LRP1B: variants seen among roughly 807,000 people sequenced by gnomAD.
LRP1B encodes the protein low-density lipoprotein receptor-related protein 1B.
In LRP1B, 217 loss-of-function variants were observed where a neutral mutation model predicts 556.6. The observed-to-expected ratio is 0.39, with a 90% CI of 0.35 to 0.44. LRP1B has a LOEUF of 0.44. Ranked by LOEUF, LRP1B falls within the 20% of genes least tolerant of loss-of-function variation. LRP1B has a pLI of 1.00. For missense variants in LRP1B, 5,053 were observed against 5,620.8 expected, an observed-to-expected ratio of 0.90 and a Z score of 3.23; for synonymous variants, 2,047 against 1,865.8, an observed-to-expected ratio of 1.10 and a Z score of -2.50.
intron 88 of LRP1B, 99 bp downstream of exon 88, chr2:140,239,341 TAA>T: frequency 1.5e-6 from 1 of 670,004 alleles, no homozygotes; most frequent in Non-Finnish European, 2.5e-6. Flanking sequence ...ACAGTTGGCA[TAA>T]CTAAATCATG....
At chr2:141,750,055 G>C (rs1384436217) in intron 2 of LRP1B, among the ~76,000 whole-genome samples, 1 of 152,148 alleles carries the variant, frequency 6.6e-6, no homozygotes, top group African/African-American at 2.4e-5. Flanking sequence ...TGCTCAGTGA[G>C]GGGATGATAA....
chr2:141,543,534 A>AAT (rs1685345986), intron 2 of LRP1B, among the ~76,000 whole-genome samples: 2 of 150,550 alleles, frequency 1.3e-5, no homozygotes. Context: ...AAAAAAAAAA[A>AAT]AAAAGTTACA....
At chr2:140,969,546 G>T (rs1052368089) in intron 18 of LRP1B, among the ~76,000 whole-genome samples, 2 of 152,156 alleles carry the variant, frequency 1.3e-5, no homozygotes, top group Admixed American at 6.5e-5. Flanking sequence ...ATTGTTATGT[G>T]TGAATTTGAC....
intron 63 of LRP1B, among the ~76,000 whole-genome samples, chr2:140,447,678 G>A (rs999019779): frequency 1.3e-5 from 2 of 151,992 alleles, no homozygotes; most frequent in African/African-American, 2.4e-5. Flanking sequence ...CTTTTCCTTT[G>A]CATTCATAAT....
intron 3 of LRP1B, among the ~76,000 whole-genome samples, chr2:141,403,992 A>T (rs1690538339): frequency 6.6e-6 from 1 of 152,172 alleles, no homozygotes; most frequent in African/African-American, 2.4e-5. Flanking sequence ...TCTCTTTGGC[A>T]TTCTTCTTTC....
At chr2:140,546,520 C>T (rs1036260487) in intron 43 of LRP1B, among the ~76,000 whole-genome samples, 17 of 152,010 alleles carry the variant, frequency 1.1e-4, no homozygotes, top group African/African-American at 2.4e-4. Flanking sequence ...ATGGCAGCAG[C>T]GAGGAGAAGT....
intron 4 of LRP1B, among the ~76,000 whole-genome samples, chr2:141,251,183 T>C (rs1356868348): frequency 6.6e-6 from 1 of 152,078 alleles, no homozygotes; most frequent in Non-Finnish European, 1.5e-5. Flanking sequence ...TCATAAAGAA[T>C]ATAGAAGCTC....
intron 3 of LRP1B, among the ~76,000 whole-genome samples, chr2:141,363,409 A>G (rs537251863): frequency 1.3e-5 from 2 of 151,898 alleles, no homozygotes; most frequent in African/African-American, 4.8e-5. Flanking sequence ...TTGTGTGTTT[A>G]TATTTCTTAA....
chr2:142,058,100 C>T (rs1025927981), intron 1 of LRP1B, among the ~76,000 whole-genome samples: 40 of 152,134 alleles, frequency 2.6e-4, no homozygotes, highest in Admixed American at 7.2e-4. Context: ...TGCACTACTA[C>T]GTCCCACTGT....
chr2:140,534,715 G>A (rs1690870390), intron 46 of LRP1B, among the ~76,000 whole-genome samples: 1 of 152,122 alleles, frequency 6.6e-6, no homozygotes, highest in Non-Finnish European at 1.5e-5. Flanking sequence ...GACATTCTCT[G>A]ATTTGGGGCA....
rs114173781 is a variant in LRP1B at position 140,679,211 on chromosome 2, A to T, written c.6799+21039T>A. On this transcript the variant is annotated intron_variant, in intron 41 of 90. Coordinates refer to ENST00000389484, the MANE Select transcript of LRP1B (RefSeq NM_018557.3). ...CATATTAGATTAGAGTCCACCCATT[A>T]TGACCTCATTTTACCTTAATTACCT... Among the ~76,000 whole-genome samples the T allele has an allele frequency of 4.7e-3, 718 of 152,266 alleles. 2 individuals are homozygous for T. The highest frequency in any genetic ancestry group is 0.017 in the African/African-American group (699 of 41,550).
chr2:141,712,200 C>G (rs1342530981), intron 2 of LRP1B, among the ~76,000 whole-genome samples: 1 of 150,848 alleles, frequency 6.6e-6, no homozygotes, highest in Non-Finnish European at 1.5e-5. Context: ...AATGTAATGC[C>G]AATTGGAACT....
intron 43 of LRP1B, among the ~76,000 whole-genome samples, chr2:140,551,142 C>G (rs2105050534): frequency 6.6e-6 from 1 of 152,274 alleles, no homozygotes; most frequent in South Asian, 2.1e-4. Flanking sequence ...GTTTAAGCCA[C>G]CCAGTCTATG....
At chr2:141,785,611 A>G (rs1470653913) in intron 2 of LRP1B, among the ~76,000 whole-genome samples, 1 of 151,422 alleles carries the variant, frequency 6.6e-6, no homozygotes, top group Non-Finnish European at 1.5e-5. Flanking sequence ...AGATGGTCAG[A>G]GTGTTAGCAT....
At chr2:141,797,487 C>T (rs1695864124) in intron 2 of LRP1B, among the ~76,000 whole-genome samples, 1 of 151,846 alleles carries the variant, frequency 6.6e-6, no homozygotes, top group African/African-American at 2.4e-5. Flanking sequence ...GTGAGTGACA[C>T]AATTCAAAAA....
intron 1 of LRP1B, among the ~76,000 whole-genome samples, chr2:142,011,689 C>G (rs1451656914): frequency 6.6e-6 from 1 of 152,148 alleles, no homozygotes; most frequent in African/African-American, 2.4e-5. Flanking sequence ...TGAAACTGAA[C>G]CCACCATTCT....
chr2:141,620,654 G>A lies in LRP1B; in HGVS notation c.206-140121C>T, dbSNP rs150894240. On this transcript the variant is annotated intron_variant, in intron 2 of 90. Transcript: ENST00000389484. ...TACATATTTTAAAGAAATATTTTCT[G>A]TTCAAATCACTCATGGTGGAATAAC... Among the ~76,000 whole-genome samples the A allele has an allele frequency of 3.4e-3, 522 of 152,120 alleles. 2 individuals are homozygous for A. Among genetic ancestry groups the A allele is most frequent in the African/African-American group, 0.012 (493 of 41,526 alleles).
chr2:142,039,596 G>A (rs1252404735), intron 1 of LRP1B, among the ~76,000 whole-genome samples: 2 of 151,470 alleles, frequency 1.3e-5, no homozygotes, highest in African/African-American at 2.4e-5. Context: ...GGGGTAGATG[G>A]GAATAGTGTG....
chr2:140,722,754 G>A (rs970288996), intron 35 of LRP1B, among the ~76,000 whole-genome samples: 1 of 152,146 alleles, frequency 6.6e-6, no homozygotes, highest in Admixed American at 6.5e-5. Flanking sequence ...TTATTAAATA[G>A]TAAAGGGGAC....
Sources: gnomAD v4.1 joint callset for allele counts (sites outside exome capture counted in the v4.1 genomes callset) on GRCh38, gnomAD v4.1.1 for gene constraint, MANE v1.5 for transcripts, NCBI Gene and HGNC (gene_info 2026-07-23, HGNC 2026-07-21) for gene names.